Variants in ERI3 observed in about 807,000 individuals in gnomAD.
ERI3 encodes ERI1 exoribonuclease family member 3.
In ERI3, 18 loss-of-function variants were observed where a neutral mutation model predicts 44.4. The observed-to-expected ratio is 0.41, with a 90% CI of 0.28 to 0.60. ERI3 has a LOEUF of 0.60. ERI3 is among the 20% of genes least tolerant of loss of function. The probability of loss-of-function intolerance (pLI) is 0.36; values close to 1 mark genes in which losing one functional copy is unlikely to be tolerated. For missense variants in ERI3, 294 were observed against 435.5 expected (o/e 0.68, Z 2.89); for synonymous variants, 183 against 164.8 (o/e 1.11, Z -0.84).
chr1:44,251,905 G>A (rs751045814), intron 7 of ERI3, among the ~76,000 whole-genome samples: 3 of 152,156 alleles, frequency 2.0e-5, no homozygotes, highest in Admixed American at 6.5e-5. Context: ...GGGGATATGG[G>A]GCCCAGAAGC....
At chr1:44,233,641 T>A (rs1644237974) in intron 8 of ERI3, among the ~76,000 whole-genome samples, 1 of 152,216 alleles carries the variant, frequency 6.6e-6, no homozygotes, top group Non-Finnish European at 1.5e-5. Context: ...AATCCAGGCC[T>A]TTTCAGGGTC....
intron 7 of ERI3, among the ~76,000 whole-genome samples, chr1:44,261,649 G>A (rs373123232): frequency 6.6e-5 from 10 of 152,246 alleles, no homozygotes; most frequent in East Asian, 5.8e-4. Flanking sequence ...CCCGCTATGC[G>A]CTCCGCTCCG....
Position 44,241,733 on chromosome 1 carries a change from C to T in ERI3, c.931+6206G>A, listed in dbSNP as rs1644439764. Among the ~76,000 whole-genome samples, 2 of 151,976 alleles carry T rather than the reference C, an allele frequency of 1.3e-5. No individual in the cohort carries two copies. The highest frequency in any genetic ancestry group is 6.6e-5 in the Admixed American group (1 of 15,258). On this transcript the variant is annotated intron_variant, in intron 8 of 8. Transcript: ENST00000372257. The surrounding 1 kb of genome is among the most constrained non-coding windows in gnomAD (Gnocchi z 5.6). ...AGATACAGAGAGAGACAAGGGGAGG[C>T]GAGGCCGGGGCCTGGGGCTAGGAAG...
chr1:44,232,422 G>A (rs1282251933), intron 8 of ERI3, among the ~76,000 whole-genome samples: 1 of 152,216 alleles, frequency 6.6e-6, no homozygotes, highest in Non-Finnish European at 1.5e-5. Flanking sequence ...AAACCCCAGT[G>A]AAAACAGAGA....
chr1:44,264,697 G>A (rs1424320443), intron 7 of ERI3, among the ~76,000 whole-genome samples: 1 of 152,144 alleles, frequency 6.6e-6, no homozygotes, highest in Non-Finnish European at 1.5e-5. Context: ...GGAAGGGGGG[G>A]CAGCCACCAG....
chr1:44,313,255 G>A, intron 4 of ERI3, 27 bp from the exon 5 acceptor site: 1 of 1,612,128 alleles, frequency 6.2e-7, no homozygotes, highest in Non-Finnish European at 8.5e-7. Context: ...ATAGCCGATG[G>A]GTAGAAAACC....
intron 3 of ERI3, among the ~76,000 whole-genome samples, chr1:44,336,300 T>G (rs1172622968): frequency 2.6e-5 from 4 of 152,136 alleles, no homozygotes; most frequent in Non-Finnish European, 5.9e-5. Context: ...CCCATCAGGA[T>G]CCTGCTACCT....
chr1:44,325,075 CTTTTT>C (rs3054114), intron 3 of ERI3, among the ~76,000 whole-genome samples: 5 of 93,924 alleles, frequency 5.3e-5, no homozygotes, highest in Admixed American at 1.1e-4. Flanking sequence ...TTAAACACAG[CTTTTT>C]TTTTTTTTTT....
chr1:44,279,145 T>C (rs897764597), intron 7 of ERI3, among the ~76,000 whole-genome samples: 1 of 152,202 alleles, frequency 6.6e-6, no homozygotes, highest in South Asian at 2.1e-4. Context: ...TATCCTAGGC[T>C]TTCTTCTCAC....
chr1:44,310,903 C>A (rs1054984718), intron 5 of ERI3, among the ~76,000 whole-genome samples: 1 of 150,532 alleles, frequency 6.6e-6, no homozygotes, highest in East Asian at 2.0e-4. Context: ...TCTTCCACTG[C>A]TAAATGGTCT....
intron 3 of ERI3, among the ~76,000 whole-genome samples, chr1:44,328,905 C>T (rs1300126188): frequency 6.6e-6 from 1 of 152,188 alleles, no homozygotes; most frequent in African/African-American, 2.4e-5. Flanking sequence ...ACATTTCATC[C>T]TCCTTGCTGC....
At chr1:44,295,709 G>A (rs1377156802) in intron 6 of ERI3, among the ~76,000 whole-genome samples, 5 of 152,134 alleles carry the variant, frequency 3.3e-5, no homozygotes, top group African/African-American at 7.2e-5. Flanking sequence ...CTGCTACCAC[G>A]AGCAATCATC....
chr1:44,306,528 T>C (rs542700344), intron 6 of ERI3, among the ~76,000 whole-genome samples: 1 of 152,306 alleles, frequency 6.6e-6, no homozygotes, highest in South Asian at 2.1e-4. Context: ...GGCAATCTCC[T>C]GGGTCACCAA....
chr1:44,297,842 A>C (rs1032192200), intron 6 of ERI3, among the ~76,000 whole-genome samples: 3 of 152,234 alleles, frequency 2.0e-5, no homozygotes, highest in African/African-American at 7.2e-5. Flanking sequence ...TCACAGAGGG[A>C]ATCAGACTCC....
intron 7 of ERI3, among the ~76,000 whole-genome samples, chr1:44,265,135 C>A (rs1350348485): frequency 3.4e-5 from 3 of 89,390 alleles, no homozygotes; most frequent in Non-Finnish European, 6.0e-5. Flanking sequence ...AATTCAGAGG[C>A]CCCCAGAAGC....
rs910044019 is a variant in ERI3, at chr1:44,228,231, C to G, written c.932-6591G>C. ...CCAAAGTGACCCCTTCTTTCAGCCC[C>G]TCCCCTCAGCCCCCTCCACCCCACC... On this transcript the variant is annotated intron_variant, in intron 8 of 8. Transcript: ENST00000372257. The surrounding 1 kb of genome is among the most constrained non-coding windows in gnomAD (Gnocchi z 4.3). Among the ~76,000 whole-genome samples the G allele has an allele frequency of 6.6e-6, 1 of 152,164 alleles. No individual in the cohort carries two copies. The highest frequency in any genetic ancestry group is 6.5e-5 in the Admixed American group (1 of 15,280).
At chr1:44,243,176 A>G (rs1048429025) in intron 8 of ERI3, among the ~76,000 whole-genome samples, 1 of 152,184 alleles carries the variant, frequency 6.6e-6, no homozygotes, top group Non-Finnish European at 1.5e-5. Context: ...CTCTTGCCAA[A>G]CAGTTCTGGG....
intron 1 of ERI3, chr1:44,353,292 T>C: frequency 1.0e-6 from 1 of 985,326 alleles, no homozygotes; most frequent in Non-Finnish European, 1.2e-6. Flanking sequence ...GGGCCAGGAC[T>C]GGGGTAGGGG....
intron 6 of ERI3, among the ~76,000 whole-genome samples, chr1:44,303,670 G>A (rs1478109065): frequency 3.9e-5 from 6 of 152,176 alleles, no homozygotes; most frequent in Non-Finnish European, 7.3e-5. Flanking sequence ...TGGTGGGGAG[G>A]GGTGTGGGGG....
Sources: allele counts gnomAD v4.1 joint callset (sites outside exome capture counted in the v4.1 genomes callset), GRCh38; gene constraint gnomAD v4.1.1; non-coding constraint Gnocchi (gnomAD v3.1); transcripts MANE v1.5; gene names NCBI Gene and HGNC (gene_info 2026-07-23, HGNC 2026-07-21).